NHERF2: variants seen among roughly 807,000 people sequenced by gnomAD.
The protein encoded by NHERF2 is NHERF family PDZ scaffold protein 2.
At chr16:2,033,400 C>G in the NHERF2 span, 1 of 1,533,450 alleles carries the variant, frequency 6.5e-7, no homozygotes, top group East Asian at 2.4e-5. Context: ...TCCGGGAGCC[C>G]CTCCACGGAG....
chr16:2,028,075 C>G, the NHERF2 span, among the ~76,000 whole-genome samples: 1 of 152,216 alleles, frequency 6.6e-6, no homozygotes, highest in Admixed American at 6.5e-5. Flanking sequence ...GGGACTCCCT[C>G]CAGACCCTGG....
the NHERF2 span, chr16:2,037,140 C>T: frequency 6.6e-6 from 7 of 1,060,124 alleles, no homozygotes; most frequent in South Asian, 3.0e-5. Context: ...CTTTAATGCC[C>T]CTGTGGGTCT....
At chr16:2,028,122 G>A in the NHERF2 span, among the ~76,000 whole-genome samples, 16 of 152,276 alleles carry the variant, frequency 1.1e-4, 1 homozygote, top group Middle Eastern at 0.017. Context: ...TTTCCTCCAG[G>A]TCCCCTGTCC....
the NHERF2 span, chr16:2,036,147 C>T: frequency 1.6e-6 from 1 of 606,834 alleles, no homozygotes; most frequent in Non-Finnish European, 2.8e-6. Flanking sequence ...TGCCCAAGTT[C>T]CCACAGCTAA....
the NHERF2 span, chr16:2,038,546 C>T: frequency 2.9e-6 from 1 of 346,558 alleles, no homozygotes; most frequent in Non-Finnish European, 5.5e-6. Flanking sequence ...CTGGGACTTC[C>T]CAGTGGCCAA....
At chr16:2,036,626 G>A in the NHERF2 span, 58 of 1,543,734 alleles carry the variant, frequency 3.8e-5, no homozygotes, top group African/African-American at 2.4e-4. Context: ...CTGCTGCCTC[G>A]GTGGGCGGTG....
chr16:2,029,550 A>G, the NHERF2 span: 1 of 1,546,670 alleles, frequency 6.5e-7, no homozygotes, highest in Non-Finnish European at 8.7e-7. Context: ...AATGTGGGCC[A>G]CTGACCCGCT....
At chr16:2,033,369 T>C in the NHERF2 span, 10 of 1,532,572 alleles carry the variant, frequency 6.5e-6, no homozygotes, top group Non-Finnish European at 8.7e-6. Flanking sequence ...GCTCCGGGAG[T>C]GCCACGCCAC....
chr16:2,036,774 C>T, the NHERF2 span: 2 of 1,613,386 alleles, frequency 1.2e-6, no homozygotes, highest in Non-Finnish European at 1.7e-6. Flanking sequence ...GAGGTGGTGG[C>T]CAGCATCAAG....
chr16:2,031,313 G>C, the NHERF2 span, among the ~76,000 whole-genome samples: 2 of 152,162 alleles, frequency 1.3e-5, no homozygotes, highest in Admixed American at 6.5e-5. Flanking sequence ...GGCCTTGCAG[G>C]GGGGCTGGCT....
At chr16:2,036,107 G>A in the NHERF2 span, 1,107 of 523,874 alleles carry the variant, frequency 2.1e-3, 3 homozygotes, top group African/African-American at 0.011. Flanking sequence ...TGGGCCCGTC[G>A]GGGAGGCTTC....
At chr16:2,030,786 C>T in the NHERF2 span, among the ~76,000 whole-genome samples, 1 of 151,926 alleles carries the variant, frequency 6.6e-6, no homozygotes. Context: ...ACTAAAAATA[C>T]AAAAATCAGT....
the NHERF2 span, among the ~76,000 whole-genome samples, chr16:2,030,840 C>A: frequency 6.6e-6 from 1 of 152,062 alleles, no homozygotes; most frequent in Non-Finnish European, 1.5e-5. Context: ...ACTTGGGAGG[C>A]TGAGGCAGGA....
At chr16:2,038,330 G>T in the NHERF2 span, 2 of 499,548 alleles carry the variant, frequency 4.0e-6, no homozygotes, top group Non-Finnish European at 3.8e-6. Context: ...CTGACTGAAA[G>T]GAATTTGTGT....
chr16:2,037,783 C>G, the NHERF2 span: 1 of 1,555,598 alleles, frequency 6.4e-7, no homozygotes, highest in African/African-American at 1.4e-5. Context: ...GGGTGTGGGA[C>G]TAGGGCTCAC....
the NHERF2 span, among the ~76,000 whole-genome samples, chr16:2,027,767 C>T: frequency 3.1e-4 from 47 of 152,210 alleles, no homozygotes; most frequent in Admixed American, 1.1e-3. Flanking sequence ...GACTCCTGGG[C>T]GTATGGGAGC....
chr16:2,035,746 G>A, the NHERF2 span: 1 of 929,444 alleles, frequency 1.1e-6, no homozygotes, highest in South Asian at 5.0e-5. Context: ...CGGGCACCAG[G>A]AGGCCCTCTG....
the NHERF2 span, chr16:2,037,399 T>C: frequency 1.2e-6 from 1 of 828,026 alleles, no homozygotes; most frequent in Non-Finnish European, 2.0e-6. Flanking sequence ...CCCCGCCGCA[T>C]CTGGAGTCCA....
chr16:2,038,528 GGGA>G, the NHERF2 span: 6 of 362,968 alleles, frequency 1.7e-5, no homozygotes, highest in Non-Finnish European at 3.1e-5. Context: ...CGTCCTGAGT[GGGA>G]GTCCCTGGGA....
Sources: gnomAD v4.1 joint callset for allele counts (sites outside exome capture counted in the v4.1 genomes callset) on GRCh38, gnomAD v4.1.1 for gene constraint, MANE v1.5 for transcripts, NCBI Gene and HGNC (gene_info 2026-07-23, HGNC 2026-07-21) for gene names.